Variants in RGS6 observed in about 807,000 individuals in gnomAD.
RGS6 encodes regulator of G-protein signaling 6.
A neutral mutation model predicts 78.5 loss-of-function variants in RGS6; 30 were observed. The observed-to-expected ratio is 0.38, with a 90% CI of 0.29 to 0.52. The LOEUF (loss-of-function observed/expected upper bound fraction) is 0.52. Ranked by LOEUF, RGS6 falls within the 20% of genes least tolerant of loss-of-function variation. RGS6 has a pLI of 0.85. For synonymous variants in RGS6, 206 were observed against 206.0 expected (o/e 1.00, Z 0.00); for missense variants, 495 against 609.7 (o/e 0.81, Z 1.98).
intron 2 of RGS6, among the ~76,000 whole-genome samples, chr14:72,112,771 A>T (rs2153551687): frequency 6.6e-6 from 1 of 152,314 alleles, no homozygotes; most frequent in Non-Finnish European, 1.5e-5. Context: ...AGTCTAACCC[A>T]GATTGATGTG....
chr14:72,572,089 T>C, the RGS6 span, among the ~76,000 whole-genome samples: 1 of 152,022 alleles, frequency 6.6e-6, no homozygotes, highest in Admixed American at 6.6e-5. Context: ...GAAATGCAAA[T>C]AAATTCCATG....
Position 72,472,881 on chromosome 14 carries a change from GA to G in RGS6, c.552del (p.Asp185ThrfsTer26). 2 of 1,611,566 alleles carry G rather than the reference GA, an allele frequency of 1.2e-6. No homozygotes were observed. The highest frequency in any genetic ancestry group is 1.7e-6 in the Non-Finnish European group (2 of 1,178,392). On this transcript the variant is annotated frameshift_variant, in exon 9 of 18. Transcript: ENST00000553525. LOFTEE classifies it high-confidence loss of function. ...QAEAQVKIDR[K>X]KDKTERKILD... ...CTCTTTACTCTTTCAGGATTGACCGGAAAAAAGACAAGACAGAAAGGAAAAT... is the reference window on the plus strand; with the variant it reads ...CTCTTTACTCTTTCAGGATTGACCGGAAAAAGACAAGACAGAAAGGAAAAT...
chr14:72,146,679 G>A (rs34600660), intron 2 of RGS6, among the ~76,000 whole-genome samples: 6 of 152,206 alleles, frequency 3.9e-5, no homozygotes, highest in African/African-American at 9.6e-5. Flanking sequence ...ACATAAAGTC[G>A]TAAATCTGGA....
At chr14:72,270,716 G>A (rs953997619) in intron 2 of RGS6, among the ~76,000 whole-genome samples, 1 of 152,186 alleles carries the variant, frequency 6.6e-6, no homozygotes, top group African/African-American at 2.4e-5. Context: ...GGGCAGCTGG[G>A]AAGATGAGTC....
intron 2 of RGS6, among the ~76,000 whole-genome samples, chr14:72,337,421 G>A (rs1159258663): frequency 6.6e-6 from 1 of 152,074 alleles, no homozygotes; most frequent in Non-Finnish European, 1.5e-5. Flanking sequence ...CACAAGCAGA[G>A]GAAGGAGAAG....
chr14:72,623,249 A>G, the RGS6 span, among the ~76,000 whole-genome samples: 1 of 152,240 alleles, frequency 6.6e-6, no homozygotes, highest in Non-Finnish European at 1.5e-5. Context: ...TTTCTTTATA[A>G]ATTTGATTTT....
intron 3 of RGS6, among the ~76,000 whole-genome samples, chr14:72,388,722 G>T (rs769892422): frequency 6.6e-6 from 1 of 152,110 alleles, no homozygotes; most frequent in Non-Finnish European, 1.5e-5. Flanking sequence ...CTCTGAAGCC[G>T]CACTCTCTGG....
intron 12 of RGS6, among the ~76,000 whole-genome samples, chr14:72,480,197 C>T (rs114443570): frequency 1.8e-3 from 272 of 152,294 alleles, no homozygotes; most frequent in African/African-American, 6.3e-3. Flanking sequence ...GAAGCCATTG[C>T]CTGCTACTCA....
the RGS6 span, among the ~76,000 whole-genome samples, chr14:72,604,293 G>A: frequency 6.6e-6 from 1 of 152,284 alleles, no homozygotes; most frequent in East Asian, 1.9e-4. Flanking sequence ...AGGCGGGTTT[G>A]TTCAAATTGC....
intron 17 of RGS6, among the ~76,000 whole-genome samples, chr14:72,547,769 C>G (rs957997003): frequency 6.6e-6 from 1 of 152,150 alleles, no homozygotes; most frequent in African/African-American, 2.4e-5. Flanking sequence ...TCCATGCCCC[C>G]TAATCATGGC....
chr14:72,203,674 A>G (rs1599435504), intron 2 of RGS6, among the ~76,000 whole-genome samples: 1 of 152,216 alleles, frequency 6.6e-6, no homozygotes, highest in African/African-American at 2.4e-5. Flanking sequence ...GGCTTCCCCC[A>G]GAGAGGGGAA....
At chr14:72,201,119 G>C (rs2041471735) in intron 2 of RGS6, among the ~76,000 whole-genome samples, 1 of 152,196 alleles carries the variant, frequency 6.6e-6, no homozygotes, top group African/African-American at 2.4e-5. Context: ...GCCTTGGGGA[G>C]CCCGCGTTGG....
chr14:72,342,750 A>AAAAAT (rs2077276678), intron 2 of RGS6, among the ~76,000 whole-genome samples: 1 of 139,156 alleles, frequency 7.2e-6, no homozygotes, highest in Non-Finnish European at 1.5e-5. Context: ...AAAAAAAAAA[A>AAAAAT]GTTCCCAGAA....
At chr14:72,540,642 G>A (rs1264247391) in intron 17 of RGS6, 1 of 1,424,714 alleles carries the variant, frequency 7.0e-7, no homozygotes, top group East Asian at 3.5e-5. Flanking sequence ...TAGCTGGCGT[G>A]TGTGTTAGTC....
At chr14:71,939,121 G>T (rs2090067618) in intron 1 of RGS6, among the ~76,000 whole-genome samples, 1 of 152,162 alleles carries the variant, frequency 6.6e-6, no homozygotes, top group Admixed American at 6.5e-5. Context: ...CAATAAATGG[G>T]CCGGAGTAAC....
At chr14:72,521,897 A>G (rs2097048518) in intron 15 of RGS6, among the ~76,000 whole-genome samples, 2 of 152,156 alleles carry the variant, frequency 1.3e-5, no homozygotes, top group African/African-American at 4.8e-5. Context: ...AAATACTACC[A>G]TCTTATTTTT....
chr14:72,596,320 C>T, the RGS6 span, among the ~76,000 whole-genome samples: 2 of 152,212 alleles, frequency 1.3e-5, no homozygotes, highest in Middle Eastern at 3.2e-3. Context: ...CTGCCTCCTT[C>T]TTCCATCATT....
intron 2 of RGS6, among the ~76,000 whole-genome samples, chr14:72,094,906 C>A (rs1156429861): frequency 6.6e-6 from 1 of 152,066 alleles, no homozygotes; most frequent in Non-Finnish European, 1.5e-5. Flanking sequence ...ACACAACAAG[C>A]AAGGGGGGAG....
intron 2 of RGS6, among the ~76,000 whole-genome samples, chr14:72,070,988 C>T (rs1234746137): frequency 2.6e-5 from 4 of 151,446 alleles, no homozygotes; most frequent in Non-Finnish European, 5.9e-5. Flanking sequence ...ATATTTTATT[C>T]ATCTCCTCTC....
Sources: allele counts gnomAD v4.1 joint callset (sites outside exome capture counted in the v4.1 genomes callset), GRCh38; gene constraint gnomAD v4.1.1; transcripts MANE v1.5; gene names NCBI Gene and HGNC (gene_info 2026-07-23, HGNC 2026-07-21).